Variants in FHOD3 observed in about 807,000 individuals in gnomAD.
The protein encoded by FHOD3 is formin homology 2 domain containing 3.
A neutral mutation model predicts 173.0 loss-of-function variants in FHOD3; 90 were observed. That is an observed-to-expected ratio of 0.52 (90% CI 0.44 to 0.62). The LOEUF is 0.62. Ranked by LOEUF, FHOD3 falls within the 20% of genes least tolerant of loss-of-function variation. The pLI, the probability that FHOD3 is intolerant of heterozygous loss-of-function variation, is 0.00. For missense variants in FHOD3, 1,945 were observed against 2,034.7 expected (o/e 0.96, Z 0.85); for synonymous variants, 828 against 823.0 (o/e 1.01, Z -0.10).
chr18:36,764,403 T>A (rs1036874298), intron 27 of FHOD3, among the ~76,000 whole-genome samples: 1 of 152,122 alleles, frequency 6.6e-6, no homozygotes, highest in Non-Finnish European at 1.5e-5. Context: ...TGAGCTTGTC[T>A]TTGCCCAGCA....
rs58216431 is a variant in FHOD3 at position 36,347,256 on chromosome 18, G to T, written c.166-8283G>T. 5.4e-3 allele frequency among the ~76,000 whole-genome samples: 824 copies of T among 152,336 alleles called. 47 individuals carry two copies. The East Asian group carries it at 0.14, about 26-fold the overall frequency. On this transcript the variant is annotated intron_variant, in intron 1 of 28. Coordinates refer to ENST00000590592, the MANE Select transcript of FHOD3 (RefSeq NM_001281740.3). ...AAAAAATATATTCCAGCTTTTTCAA[G>T]GGAAAGTTTAATGTATTTTTGGCTA...
intron 5 of FHOD3, among the ~76,000 whole-genome samples, chr18:36,525,344 G>A (rs781735478): frequency 6.6e-6 from 1 of 152,116 alleles, no homozygotes; most frequent in Admixed American, 6.5e-5. Flanking sequence ...ACAGCTGCAA[G>A]GAAATGAATT....
chr18:36,707,775 A>G (rs2039964348), intron 17 of FHOD3, among the ~76,000 whole-genome samples: 1 of 152,050 alleles, frequency 6.6e-6, no homozygotes, highest in Non-Finnish European at 1.5e-5. Flanking sequence ...AGCTGCCCTG[A>G]TCTGCGTGTT....
chr18:36,464,878 G>A lies in FHOD3; in HGVS notation c.338-37054G>A, dbSNP rs114638839. Among the ~76,000 whole-genome samples the A allele has an allele frequency of 8.4e-3, 1,270 of 152,014 alleles. 18 individuals are homozygous for A. The highest frequency in any genetic ancestry group is 0.029 in the African/African-American group (1,210 of 41,420). ...CTTCCTTCTTTCTTGTGTACCATAGGCCCCAAAACACACAGGGATAGCTGC... is the reference window on the plus strand; with the variant it reads ...CTTCCTTCTTTCTTGTGTACCATAGACCCCAAAACACACAGGGATAGCTGC... On this transcript the variant is annotated intron_variant, in intron 3 of 28. Transcript: ENST00000590592.
At chr18:36,615,268 TG>T (rs2033093761) in intron 9 of FHOD3, among the ~76,000 whole-genome samples, 1 of 152,236 alleles carries the variant, frequency 6.6e-6, no homozygotes, top group South Asian at 2.1e-4. Flanking sequence ...TTTCCACTTC[TG>T]ATATAACTGA....
At chr18:36,325,766 C>G (rs898681994) in intron 1 of FHOD3, among the ~76,000 whole-genome samples, 3 of 151,998 alleles carry the variant, frequency 2.0e-5, no homozygotes, top group African/African-American at 7.2e-5. Flanking sequence ...CAGCCTGCAC[C>G]CACAGATTAA....
At chr18:36,422,752 C>G (rs570956573) in intron 3 of FHOD3, among the ~76,000 whole-genome samples, 1 of 152,164 alleles carries the variant, frequency 6.6e-6, no homozygotes, top group East Asian at 1.9e-4. Context: ...TTTTTGAAAA[C>G]GTTAATTAGC....
chr18:36,732,176 C>T (rs948805449), intron 20 of FHOD3, among the ~76,000 whole-genome samples: 2 of 152,184 alleles, frequency 1.3e-5, no homozygotes, highest in Admixed American at 6.5e-5. Context: ...TACCAAGGAT[C>T]GTGGACAACC....
At chr18:36,722,523 A>T (rs1243925348) in intron 19 of FHOD3, among the ~76,000 whole-genome samples, 2 of 152,202 alleles carry the variant, frequency 1.3e-5, no homozygotes, top group African/African-American at 4.8e-5. Context: ...ATTTATCTTG[A>T]AGTTTCTAAA....
rs541646240 is a variant in FHOD3, at chr18:36,523,850, T to C, written c.511+11307T>C. Among the ~76,000 whole-genome samples, 21 of 152,350 alleles carry C rather than the reference T, an allele frequency of 1.4e-4. No homozygotes were observed. The South Asian group carries it at 4.3e-3, about 32-fold the overall frequency. On this transcript the variant is annotated intron_variant, in intron 5 of 28. Transcript: ENST00000590592. ...CTTTCCCTCTTCTGCATGCTCCATA[T>C]TAATTGCTGTAGGATTCCCAGGCTG...
At chr18:36,320,603 A>G (rs2044346360) in intron 1 of FHOD3, among the ~76,000 whole-genome samples, 1 of 152,248 alleles carries the variant, frequency 6.6e-6, no homozygotes, top group African/African-American at 2.4e-5. Flanking sequence ...AAGCAATAGA[A>G]AAAGAGGGAA....
intron 1 of FHOD3, among the ~76,000 whole-genome samples, chr18:36,325,523 A>G (rs2044625907): frequency 6.6e-6 from 1 of 152,140 alleles, no homozygotes; most frequent in Non-Finnish European, 1.5e-5. Context: ...GTCTCTGAGG[A>G]GCCTGAGGAC....
At chr18:36,417,394 TG>T (rs1163314707) in intron 3 of FHOD3, among the ~76,000 whole-genome samples, 2 of 152,206 alleles carry the variant, frequency 1.3e-5, no homozygotes, top group Non-Finnish European at 2.9e-5. Context: ...GCAAAGGACA[TG>T]ATCTCGTTCT....
At chr18:36,368,053 C>T (rs2046989611) in intron 2 of FHOD3, among the ~76,000 whole-genome samples, 1 of 152,104 alleles carries the variant, frequency 6.6e-6, no homozygotes, top group South Asian at 2.1e-4. Flanking sequence ...ATAAATTAGC[C>T]AGTCTCAGGC....
intron 1 of FHOD3, among the ~76,000 whole-genome samples, chr18:36,354,668 T>C (rs1336121883): frequency 6.6e-6 from 1 of 151,962 alleles, no homozygotes; most frequent in Non-Finnish European, 1.5e-5. Context: ...TGGCTAGGCA[T>C]GGTGGTGGGT....
At chr18:36,403,397 G>C (rs532309651) in intron 3 of FHOD3, among the ~76,000 whole-genome samples, 40 of 152,286 alleles carry the variant, frequency 2.6e-4, no homozygotes, top group African/African-American at 8.4e-4. Context: ...TTAAAGAAAC[G>C]TCTCTGACAT....
chr18:36,484,300 A>G (rs1032253130), intron 3 of FHOD3, among the ~76,000 whole-genome samples: 1 of 152,142 alleles, frequency 6.6e-6, no homozygotes, highest in Non-Finnish European at 1.5e-5. Flanking sequence ...GAAAATGTGT[A>G]GCCTGAACCT....
intron 9 of FHOD3, 111 bp from the exon 10 acceptor site, chr18:36,625,400 G>A (rs768269576): frequency 6.7e-5 from 68 of 1,012,128 alleles, no homozygotes; most frequent in Non-Finnish European, 8.6e-5. Flanking sequence ...TGCAGTTTGC[G>A]AAGACAGAGT....
intron 5 of FHOD3, among the ~76,000 whole-genome samples, chr18:36,565,526 C>T (rs1024472760): frequency 6.6e-6 from 1 of 152,182 alleles, no homozygotes; most frequent in Non-Finnish European, 1.5e-5. Flanking sequence ...GTGCAAATCA[C>T]AGATCATTCC....
Sources: gnomAD v4.1 joint callset for allele counts (sites outside exome capture counted in the v4.1 genomes callset) on GRCh38, gnomAD v4.1.1 for gene constraint, MANE v1.5 for transcripts, NCBI Gene and HGNC (gene_info 2026-07-23, HGNC 2026-07-21) for gene names.